The following NTRK3 variants were observed in gnomAD, a reference collection of about 807,000 sequenced individuals.
NTRK3 encodes the protein NT-3 growth factor receptor.
In NTRK3, 24 loss-of-function variants were observed where a neutral mutation model predicts 91.7. The ratio of observed to expected loss-of-function variants is 0.26; its 90% confidence interval spans 0.19 to 0.37. The LOEUF (loss-of-function observed/expected upper bound fraction) is 0.37, where lower values mean the gene tolerates loss of function less well. Ranked by LOEUF, NTRK3 falls within the 10% of genes least tolerant of loss-of-function variation. The pLI is 1.00. For missense variants in NTRK3, 880 were observed against 1,068.9 expected (o/e 0.82, Z 2.46); for synonymous variants, 483 against 404.0 (o/e 1.20, Z -2.34).
At chr15:88,245,064 C>T (rs545637170) in intron 3 of NTRK3, among the ~76,000 whole-genome samples, 8 of 152,352 alleles carry the variant, frequency 5.3e-5, no homozygotes, top group East Asian at 1.9e-4. Context: ...AACAATCTCC[C>T]TGTCCCTGTG....
intron 14 of NTRK3, among the ~76,000 whole-genome samples, chr15:87,966,074 TCAAACAAACAAACAAA>T (rs3028147): frequency 9.4e-4 from 139 of 148,556 alleles, no homozygotes; most frequent in African/African-American, 3.5e-3. Flanking sequence ...CAAAACTGTC[TCAAACAAACAAACAAA>T]CAAACAAACA....
chr15:88,069,090 C>A (rs2046895798), intron 13 of NTRK3, among the ~76,000 whole-genome samples: 1 of 152,130 alleles, frequency 6.6e-6, no homozygotes, highest in Admixed American at 6.5e-5. Context: ...ATGAAGACTG[C>A]CAAAAGTTAT....
chr15:88,176,018 G>A (rs2045955694), intron 5 of NTRK3, among the ~76,000 whole-genome samples: 1 of 151,730 alleles, frequency 6.6e-6, no homozygotes, highest in African/African-American at 2.4e-5. Context: ...TACCTTCACT[G>A]TACATTTTTG....
intron 14 of NTRK3, among the ~76,000 whole-genome samples, chr15:87,993,043 T>C (rs769656129): frequency 1.3e-5 from 2 of 152,168 alleles, no homozygotes; most frequent in Non-Finnish European, 2.9e-5. Context: ...TTAAAAATGA[T>C]TATGTTACTT....
rs924407901 is a variant in NTRK3, at chr15:88,235,402, C to A, written c.248+20504G>T. Among the ~76,000 whole-genome samples the A allele has an allele frequency of 2.6e-5, 4 of 152,212 alleles. No homozygotes were observed. Among genetic ancestry groups the A allele is most frequent in the African/African-American group, 9.6e-5 (4 of 41,452 alleles). The stretch of plus-strand genomic sequence containing the variant: ...GTGGACACTCACTGGTCTCGGCCTT[C>A]CCGGAACCCACATCTGAGCACTCAG... On this transcript the variant is annotated intron_variant, in intron 3 of 18. Coordinates refer to ENST00000394480, the Ensembl canonical transcript of NTRK3. This position sits in a 1 kb window ranked among gnomAD's most constrained non-coding sequence, Gnocchi z 5.2.
chr15:88,053,323 C>G (rs1382057499), intron 13 of NTRK3, among the ~76,000 whole-genome samples: 1 of 152,158 alleles, frequency 6.6e-6, no homozygotes, highest in African/African-American at 2.4e-5. Context: ...TGTGTGGAGG[C>G]TCCACTTAAT....
At chr15:88,165,486 T>C (rs1473973782) in intron 5 of NTRK3, among the ~76,000 whole-genome samples, 1 of 152,196 alleles carries the variant, frequency 6.6e-6, no homozygotes, top group Non-Finnish European at 1.5e-5. Flanking sequence ...TAATCATTTT[T>C]CCTTGCTATA....
chr15:88,048,966 C>T (rs1005585588), intron 13 of NTRK3, among the ~76,000 whole-genome samples: 3 of 152,190 alleles, frequency 2.0e-5, no homozygotes, highest in African/African-American at 7.2e-5. Flanking sequence ...CAACCGTAAC[C>T]TCCCACTACC....
chr15:88,196,810 G>A (rs1387839827), intron 3 of NTRK3, among the ~76,000 whole-genome samples: 1 of 152,284 alleles, frequency 6.6e-6, no homozygotes, highest in East Asian at 1.9e-4. Flanking sequence ...CCTAATTAGA[G>A]ATTGATTCTA....
chr15:88,132,759 A>T (rs1260034487), intron 10 of NTRK3, among the ~76,000 whole-genome samples: 2 of 152,134 alleles, frequency 1.3e-5, no homozygotes, highest in Non-Finnish European at 2.9e-5. Flanking sequence ...GCGTTTAAGC[A>T]TCTTGTCACT....
chr15:88,060,916 C>A (rs2046159585), intron 13 of NTRK3, among the ~76,000 whole-genome samples: 1 of 151,942 alleles, frequency 6.6e-6, no homozygotes, highest in African/African-American at 2.4e-5. Flanking sequence ...TATTTTTGCA[C>A]CTTGATATCA....
intron 13 of NTRK3, among the ~76,000 whole-genome samples, chr15:88,073,610 C>G (rs561062592): frequency 2.6e-5 from 4 of 152,228 alleles, no homozygotes; most frequent in Admixed American, 6.5e-5. Flanking sequence ...TAACAGCCAC[C>G]CTTAGGCTGC....
chr15:87,930,369 A>G (rs1596296947), intron 16 of NTRK3, among the ~76,000 whole-genome samples: 2 of 152,326 alleles, frequency 1.3e-5, no homozygotes, highest in African/African-American at 4.8e-5. Flanking sequence ...GTTGTGGACC[A>G]AGGAGCCCTG....
intron 3 of NTRK3, among the ~76,000 whole-genome samples, chr15:88,232,554 T>A (rs2051303173): frequency 6.6e-6 from 1 of 152,238 alleles, no homozygotes; most frequent in Non-Finnish European, 1.5e-5. Flanking sequence ...TGGCTGTTTT[T>A]CTTTTGGCCA....
intron 14 of NTRK3, among the ~76,000 whole-genome samples, chr15:87,999,932 CT>C (rs1322351914): frequency 2.5e-4 from 38 of 152,342 alleles, no homozygotes; most frequent in African/African-American, 8.9e-4. Flanking sequence ...ATTTAATCAG[CT>C]CCTGACCCAC....
chr15:88,214,251 A>G (rs1203039837), intron 3 of NTRK3, among the ~76,000 whole-genome samples: 2 of 152,178 alleles, frequency 1.3e-5, no homozygotes, highest in Non-Finnish European at 2.9e-5. Flanking sequence ...AGGTGTCAGC[A>G]GGGCCATGCT....
At chr15:88,025,433 A>G (rs1433533626) in intron 14 of NTRK3, among the ~76,000 whole-genome samples, 1 of 152,242 alleles carries the variant, frequency 6.6e-6, no homozygotes, top group Non-Finnish European at 1.5e-5. Context: ...GTGCCTTACA[A>G]TGTAAACTTT....
chr15:88,227,557 A>T (rs565521397), intron 3 of NTRK3, among the ~76,000 whole-genome samples: 1 of 152,288 alleles, frequency 6.6e-6, no homozygotes, highest in East Asian at 1.9e-4. Flanking sequence ...GAAGGCCGCC[A>T]TCTGCAAGCC....
chr15:88,230,788 A>G (rs2051115419), intron 3 of NTRK3, among the ~76,000 whole-genome samples: 2 of 151,552 alleles, frequency 1.3e-5, no homozygotes, highest in African/African-American at 4.8e-5. Flanking sequence ...AGCCAATATT[A>G]ACAAAGCTCA....
Sources: gnomAD v4.1 joint callset for allele counts (sites outside exome capture counted in the v4.1 genomes callset) on GRCh38, gnomAD v4.1.1 for gene constraint, Gnocchi (gnomAD v3.1) non-coding constraint, MANE v1.5 for transcripts, NCBI Gene and HGNC (gene_info 2026-07-23, HGNC 2026-07-21) for gene names.